Variants in LRRC37A2 observed in about 807,000 individuals in gnomAD.
LRRC37A2 encodes the protein leucine-rich repeat-containing protein 37A2.
LRRC37A2 carries 9 observed loss-of-function variants against 68.8 expected under a neutral mutation model. The ratio of observed to expected loss-of-function variants is 0.13; its 90% CI spans 0.08 to 0.23. The LOEUF is 0.23. Ranked by LOEUF, LRRC37A2 falls within the 10% of genes least tolerant of loss-of-function variation. The probability of loss-of-function intolerance (pLI) is 1.00; values close to 1 mark genes in which losing one functional copy is unlikely to be tolerated. For synonymous variants in LRRC37A2, 63 were observed against 367.6 expected, an observed-to-expected ratio of 0.17 and a Z score of 9.48; for missense variants, 168 against 950.4, an observed-to-expected ratio of 0.18 and a Z score of 10.82.
At chr17:46,840,205 G>A in the LRRC37A2 span, among the ~76,000 whole-genome samples, 1 of 151,720 alleles carries the variant, frequency 6.6e-6, no homozygotes, top group East Asian at 1.9e-4. Flanking sequence ...TCCTGCCTTA[G>A]CCTCCCGAGT....
chr17:46,610,027 T>TTCTCTCTC, the LRRC37A2 span, among the ~76,000 whole-genome samples: 8 of 109,470 alleles, frequency 7.3e-5, no homozygotes, highest in African/African-American at 9.9e-5. Flanking sequence ...CTTTCTTTCT[T>TTCTCTCTC]TCTCTCTCTC....
the LRRC37A2 span, among the ~76,000 whole-genome samples, chr17:46,958,071 C>T: frequency 1.3e-5 from 2 of 152,156 alleles, no homozygotes; most frequent in African/African-American, 2.4e-5. Flanking sequence ...GGGGTCACCT[C>T]ACCCGTAACC....
At chr17:46,749,359 C>T in the LRRC37A2 span, among the ~76,000 whole-genome samples, 62 of 152,336 alleles carry the variant, frequency 4.1e-4, no homozygotes, top group East Asian at 6.6e-3. Context: ...TACCCTGCTC[C>T]TTCTAAAAAG....
At chr17:46,933,601 A>G in the LRRC37A2 span, 2 of 150,260 alleles carry the variant, frequency 1.3e-5, no homozygotes, top group South Asian at 4.2e-4. Flanking sequence ...ATGATTCCAA[A>G]TCTGAGCAGC....
At chr17:46,791,731 C>T in the LRRC37A2 span, among the ~76,000 whole-genome samples, 4 of 152,360 alleles carry the variant, frequency 2.6e-5, no homozygotes, top group East Asian at 5.8e-4. Context: ...GGGAAACACA[C>T]GTTGTGTAGA....
At chr17:46,967,832 T>C in the LRRC37A2 span, among the ~76,000 whole-genome samples, 1 of 150,402 alleles carries the variant, frequency 6.6e-6, no homozygotes, top group Admixed American at 6.6e-5. Flanking sequence ...AAGAGGGGGG[T>C]AGGGGGCCCA....
the LRRC37A2 span, among the ~76,000 whole-genome samples, chr17:46,846,312 T>C: frequency 6.6e-6 from 1 of 152,232 alleles, no homozygotes; most frequent in South Asian, 2.1e-4. Context: ...ATTCAGTTAT[T>C]CATTCATTAA....
intron 6 of LRRC37A2, among the ~76,000 whole-genome samples, chr17:46,533,808 TTTTA>T (rs1429580886): frequency 4.3e-5 from 4 of 93,822 alleles, no homozygotes; most frequent in Non-Finnish European, 7.7e-5. Context: ...AGCCAGTGCT[TTTTA>T]TTTCTTTGTG....
At chr17:46,804,487 T>A in the LRRC37A2 span, among the ~76,000 whole-genome samples, 77 of 152,204 alleles carry the variant, frequency 5.1e-4, no homozygotes, top group Non-Finnish European at 9.7e-4. Flanking sequence ...GGAAGGGAAG[T>A]GCTGTAAGAC....
the LRRC37A2 span, among the ~76,000 whole-genome samples, chr17:46,667,491 TTGCAAA>T: frequency 1.4e-5 from 2 of 142,796 alleles, no homozygotes; most frequent in Non-Finnish European, 3.2e-5. Context: ...AATCTTTACC[TTGCAAA>T]ACTAAAACTA....
the LRRC37A2 span, among the ~76,000 whole-genome samples, chr17:46,838,181 A>G: frequency 6.6e-6 from 1 of 152,152 alleles, no homozygotes; most frequent in Non-Finnish European, 1.5e-5. Context: ...TCTCTGAGAC[A>G]TCTGGCTGAA....
chr17:46,708,018 C>T, the LRRC37A2 span, among the ~76,000 whole-genome samples: 1 of 139,520 alleles, frequency 7.2e-6, no homozygotes, highest in Non-Finnish European at 1.5e-5. Context: ...GGTGACAGAG[C>T]AAGACCCTGT....
chr17:46,880,859 A>T, the LRRC37A2 span, among the ~76,000 whole-genome samples: 2 of 152,180 alleles, frequency 1.3e-5, no homozygotes, highest in Non-Finnish European at 2.9e-5. Flanking sequence ...CAGAGCCTGC[A>T]TCCTTCCTGG....
chr17:47,041,411 G>T, the LRRC37A2 span, among the ~76,000 whole-genome samples: 1 of 49,534 alleles, frequency 2.0e-5, no homozygotes, highest in African/African-American at 9.5e-5. Context: ...CCTTTTCTTG[G>T]TGTTTGTTGC....
At chr17:46,969,858 C>G in the LRRC37A2 span, among the ~76,000 whole-genome samples, 18 of 152,172 alleles carry the variant, frequency 1.2e-4, no homozygotes, top group East Asian at 1.7e-3. Flanking sequence ...TTACCTTTCG[C>G]GATCCCCTTG....
chr17:46,845,462 G>A, the LRRC37A2 span, among the ~76,000 whole-genome samples: 1 of 151,716 alleles, frequency 6.6e-6, no homozygotes, highest in Non-Finnish European at 1.5e-5. Context: ...CGACTTACAG[G>A]GACAATGGAG....
chr17:46,500,746 T>C, the LRRC37A2 span, among the ~76,000 whole-genome samples: 1 of 151,244 alleles, frequency 6.6e-6, no homozygotes, highest in African/African-American at 2.5e-5. Flanking sequence ...TAGCAAAGTT[T>C]GAAGATAACT....
chr17:47,021,893 T>C, the LRRC37A2 span: 2 of 1,530,170 alleles, frequency 1.3e-6, no homozygotes, highest in Non-Finnish European at 9.0e-7. Flanking sequence ...TGGAAATGTA[T>C]GGAAAGTGTA....
At chr17:46,823,199 TATATATA>T in the LRRC37A2 span, among the ~76,000 whole-genome samples, 9 of 116,988 alleles carry the variant, frequency 7.7e-5, no homozygotes, top group South Asian at 2.2e-4. Context: ...TATATATATT[TATATATA>T]ATATATTATA....
Sources: allele counts gnomAD v4.1 joint callset (sites outside exome capture counted in the v4.1 genomes callset), GRCh38; gene constraint gnomAD v4.1.1; transcripts MANE v1.5; gene names NCBI Gene and HGNC (gene_info 2026-07-23, HGNC 2026-07-21).